POLR3B: variants seen among roughly 807,000 people sequenced by gnomAD.
POLR3B encodes the protein RNA polymerase III subunit B, also known as DNA-directed RNA polymerase III subunit RPC2.
POLR3B carries 96 observed loss-of-function variants against 147.4 expected under a neutral mutation model. The ratio of observed to expected loss-of-function variants is 0.65; its 90% CI spans 0.55 to 0.77. The LOEUF (loss-of-function observed/expected upper bound fraction) is 0.77. POLR3B is among the 30% of genes least tolerant of loss of function. The probability of loss-of-function intolerance (pLI) is 0.00; values close to 1 mark genes in which losing one functional copy is unlikely to be tolerated. For missense variants in POLR3B, 1,036 were observed against 1,413.5 expected (o/e 0.73, Z 4.28); for synonymous variants, 461 against 485.9 (o/e 0.95, Z 0.67).
At chr12:106,458,552 A>T (rs2037893680) in intron 21 of POLR3B, among the ~76,000 whole-genome samples, 1 of 152,208 alleles carries the variant, frequency 6.6e-6, no homozygotes, top group South Asian at 2.1e-4. Context: ...AGCTGTGGTG[A>T]AGGTGGAGAG....
At chr12:106,388,154 A>G (rs1252035837) in intron 9 of POLR3B, among the ~76,000 whole-genome samples, 1 of 152,148 alleles carries the variant, frequency 6.6e-6, no homozygotes, top group Non-Finnish European at 1.5e-5. Context: ...TTGGATCACT[A>G]CAAAGGTTCT....
chr12:106,420,827 A>C (rs2037364550), intron 12 of POLR3B, among the ~76,000 whole-genome samples: 3 of 152,208 alleles, frequency 2.0e-5, no homozygotes. Context: ...GAACAACCTC[A>C]AGGCCACTAC....
chr12:106,408,200 G>A (rs2037175130), intron 11 of POLR3B, among the ~76,000 whole-genome samples: 1 of 152,200 alleles, frequency 6.6e-6, no homozygotes, highest in Admixed American at 6.5e-5. Flanking sequence ...ACAGAGATAT[G>A]CTGATATTCG....
At chr12:106,359,229 C>T (rs116570462) in intron 1 of POLR3B, among the ~76,000 whole-genome samples, 283 of 152,166 alleles carry the variant, frequency 1.9e-3, no homozygotes, top group Middle Eastern at 0.014. Flanking sequence ...CAAAACAAAA[C>T]CTCTTTATAA....
intron 6 of POLR3B, among the ~76,000 whole-genome samples, chr12:106,370,571 T>C (rs1240154577): frequency 6.6e-6 from 1 of 152,094 alleles, no homozygotes; most frequent in African/African-American, 2.4e-5. Flanking sequence ...ATAAGTAAGA[T>C]ATTAAAATGT....
At chr12:106,419,351 C>G (rs1469069509) in intron 12 of POLR3B, among the ~76,000 whole-genome samples, 1 of 152,184 alleles carries the variant, frequency 6.6e-6, no homozygotes, top group Non-Finnish European at 1.5e-5. Context: ...AAGGACATGT[C>G]TTAACTTTAA....
intron 19 of POLR3B, among the ~76,000 whole-genome samples, chr12:106,448,973 T>C (rs975958643): frequency 2.0e-5 from 3 of 152,160 alleles, no homozygotes; most frequent in African/African-American, 7.2e-5. Context: ...TCTGGTAGAA[T>C]GTAAATTATA....
intron 11 of POLR3B, 76 bp from the exon 12 acceptor site, chr12:106,410,750 A>G (rs752861569): frequency 1.2e-4 from 136 of 1,179,042 alleles, no homozygotes; most frequent in Non-Finnish European, 1.5e-4. Flanking sequence ...ATGTTATAGT[A>G]TTGATACTTT....
chr12:106,405,422 G>T (rs2037136861), intron 10 of POLR3B, among the ~76,000 whole-genome samples: 1 of 151,854 alleles, frequency 6.6e-6, no homozygotes, highest in Non-Finnish European at 1.5e-5. Flanking sequence ...GCACTGTTTT[G>T]TAGCTTTCAA....
intron 18 of POLR3B, 71 bp from the exon 19 acceptor site, chr12:106,444,392 T>C: frequency 1.3e-6 from 2 of 1,503,564 alleles, no homozygotes; most frequent in East Asian, 2.3e-5. Flanking sequence ...AACAATATTT[T>C]TGTACCCTTT....
chr12:106,414,221 T>TTA (rs1555212403), intron 12 of POLR3B, among the ~76,000 whole-genome samples: 1 of 121,106 alleles, frequency 8.3e-6, no homozygotes, highest in Non-Finnish European at 1.6e-5. Context: ...GATACAAAAG[T>TTA]AAAAAAAAAA....
At chr12:106,490,172 G>A (rs2038389253) in intron 23 of POLR3B, among the ~76,000 whole-genome samples, 2 of 152,158 alleles carry the variant, frequency 1.3e-5, no homozygotes, top group South Asian at 4.1e-4. Context: ...AGGGTATTTA[G>A]TGTTTTATGG....
intron 10 of POLR3B, among the ~76,000 whole-genome samples, chr12:106,404,228 C>G (rs1368855312): frequency 6.6e-6 from 1 of 151,874 alleles, no homozygotes; most frequent in Non-Finnish European, 1.5e-5. Context: ...GTAGCTGGGA[C>G]TACAGGTGTG....
intron 25 of POLR3B, among the ~76,000 whole-genome samples, chr12:106,498,578 G>GT (rs1368946611): frequency 2.9e-5 from 4 of 139,306 alleles, no homozygotes; most frequent in African/African-American, 1.1e-4. Context: ...GTTTTTTGGG[G>GT]TTTGTTTTTT....
At chr12:106,388,591 C>A (rs1359532054) in intron 9 of POLR3B, among the ~76,000 whole-genome samples, 1 of 152,204 alleles carries the variant, frequency 6.6e-6, no homozygotes, top group African/African-American at 2.4e-5. Context: ...GCTGGGATTA[C>A]AGGCGTGAGC....
chr12:106,375,276 T>C (rs1378753634), intron 6 of POLR3B, among the ~76,000 whole-genome samples: 1 of 152,222 alleles, frequency 6.6e-6, no homozygotes, highest in African/African-American at 2.4e-5. Flanking sequence ...TCTCTAATTT[T>C]GGTGTTTAGT....
chr12:106,495,991 TA>T, intron 23 of POLR3B, 63 bp from the exon 24 acceptor site: 1 of 926,254 alleles, frequency 1.1e-6, no homozygotes, highest in Admixed American at 1.7e-5. Context: ...AGATCCCAAT[TA>T]AGTACTGTAT....
At chr12:106,430,537 G>A in intron 14 of POLR3B, 64 bp downstream of exon 14, 1 of 1,313,518 alleles carries the variant, frequency 7.6e-7, no homozygotes, top group South Asian at 1.2e-5. Context: ...GCATGGGGTG[G>A]GGTGGGGAGG....
chr12:106,396,868 G>T (rs1242950973), intron 10 of POLR3B, among the ~76,000 whole-genome samples: 1 of 152,104 alleles, frequency 6.6e-6, no homozygotes, highest in African/African-American at 2.4e-5. Flanking sequence ...CAGGCAGGAA[G>T]ATCATTTGAG....
Sources: gnomAD v4.1 joint callset for allele counts (sites outside exome capture counted in the v4.1 genomes callset) on GRCh38, gnomAD v4.1.1 for gene constraint, MANE v1.5 for transcripts, NCBI Gene and HGNC (gene_info 2026-07-23, HGNC 2026-07-21) for gene names.